The following ZNF750 variants were observed in gnomAD, a reference collection of about 807,000 sequenced individuals.
ZNF750 encodes the protein zinc finger protein 750.
Under a neutral mutation model 31.6 loss-of-function variants are expected in ZNF750, and 10 were observed. That is an observed-to-expected ratio of 0.32 (90% CI 0.19 to 0.54). The LOEUF is 0.54. ZNF750 is among the 20% of genes least tolerant of loss of function. ZNF750 has a pLI of 0.95. For missense variants in ZNF750, 914 were observed against 934.9 expected, an observed-to-expected ratio of 0.98 and a Z score of 0.29; for synonymous variants, 400 against 404.9, an observed-to-expected ratio of 0.99 and a Z score of 0.15.
At chr17:82,836,152 T>G (rs1307199983) in intron 1 of ZNF750, among the ~76,000 whole-genome samples, 1 of 152,264 alleles carries the variant, frequency 6.6e-6, no homozygotes, top group Non-Finnish European at 1.5e-5. Flanking sequence ...GGGGCAGACC[T>G]GCTCTGGGTG....
At position 82,829,464 on chromosome 17, in the gene ZNF750, C is replaced by T. The variant is rs967338492; in HGVS notation, c.*678G>A. ...GATAACATAGATTTATGTTTATTTG[C>T]ATTTTATGTTTCCTTATGGTTCATA... is the stretch of plus-strand genomic sequence containing the variant. On this transcript the variant is annotated 3_prime_UTR_variant, in exon 3 of 3. Transcript: ENST00000269394. 6.5e-6 allele frequency: 1 copy of T among 153,342 alleles called. No homozygotes were observed. Among genetic ancestry groups the T allele is most frequent in the African/African-American group, 2.4e-5 (1 of 41,456 alleles). The allele number at this position is 153,342 out of a possible 1,614,324, so 9.5% of individuals were successfully genotyped here. A position where few individuals can be genotyped will look rare whatever the true frequency, so the allele number is the denominator to read the frequency against.
rs756567361 is a variant in ZNF750 at position 82,831,229 on chromosome 17, G to A, written c.1226C>T (p.Thr409Met). The A allele has an allele frequency of 8.7e-6, 14 of 1,614,026 alleles. No individual in the cohort carries two copies. Among genetic ancestry groups the A allele is most frequent in the Middle Eastern group, 1.6e-4 (1 of 6,062 alleles). ...KMSPRAGSAATGSPGRPSPTD... is the reference protein window; with the variant it reads ...KMSPRAGSAAMGSPGRPSPTD... ...GGGGCTCGGCCTCCCTGGGGAGCCC[G>A]TGGCTGCACTCCCTGCGCGGGGGCT... is the stretch of plus-strand genomic sequence containing the variant. The change falls in exon 2 of 3, where the codon ACG becomes ATG. Residue 409 changes from threonine to methionine, a missense_variant. Thr to Met is a moderately conservative substitution (Grantham distance 81, BLOSUM62 -1). Transcript: ENST00000269394. This position sits in a 1 kb window ranked among gnomAD's most constrained non-coding sequence, Gnocchi z 4.6.
intron 1 of ZNF750, among the ~76,000 whole-genome samples, chr17:82,837,565 C>G (rs750461348): frequency 6.6e-6 from 1 of 152,126 alleles, no homozygotes; most frequent in Admixed American, 6.5e-5. Context: ...GTTAATAAAG[C>G]AGAGTCTCAT....
chr17:82,832,640 T>A lies in ZNF750; in HGVS notation c.-182-4A>T. 1.6e-6 allele frequency: 1 copy of A among 641,220 alleles called. No individual in the cohort carries two copies. The highest frequency in any genetic ancestry group is 2.7e-6 in the Non-Finnish European group (1 of 364,670). The allele number at this position is 641,220 out of a possible 1,614,324, so 39.7% of individuals were successfully genotyped here. On this transcript the variant is annotated splice_polypyrimidine_tract_variant and splice_region_variant and intron_variant, in intron 1 of 2. Coordinates refer to ENST00000269394, the MANE Select transcript of ZNF750 (RefSeq NM_024702.3). This position sits in a 1 kb window ranked among gnomAD's most constrained non-coding sequence, Gnocchi z 4.9. ...TCCGTCATCTGGCGGCTGGGAGCTG[T>A]AATAAAGAGCAGTCTTGGTGTCAGG...
In ZNF750 at chr17:82,832,631, T is replaced by C. The variant is rs2053618665; in HGVS notation, c.-177A>G. ...GCGAGAGCCTCCGTCATCTGGCGGC[T>C]GGGAGCTGTAATAAAGAGCAGTCTT... On this transcript the variant is annotated 5_prime_UTR_variant, in exon 2 of 3. Coordinates refer to ENST00000269394, the MANE Select transcript of ZNF750 (RefSeq NM_024702.3). This position sits in a 1 kb window ranked among gnomAD's most constrained non-coding sequence, Gnocchi z 4.9. The C allele has an allele frequency of 4.6e-6, 3 of 656,852 alleles. No individual in the cohort carries two copies. The highest frequency in any genetic ancestry group is 8.0e-6 in the Non-Finnish European group (3 of 375,204). The allele number at this position is 656,852 out of a possible 1,614,324, so 40.7% of individuals were successfully genotyped here. A position where few individuals can be genotyped will look rare whatever the true frequency, so the allele number is the denominator to read the frequency against.
intron 1 of ZNF750, among the ~76,000 whole-genome samples, chr17:82,836,189 C>T (rs991385424): frequency 7.9e-5 from 12 of 152,258 alleles, no homozygotes; most frequent in African/African-American, 2.7e-4. Context: ...TGCCTCCCTT[C>T]AGGAAGTAGA....
intron 1 of ZNF750, among the ~76,000 whole-genome samples, chr17:82,837,520 G>A (rs2145383193): frequency 6.6e-6 from 1 of 152,296 alleles, no homozygotes; most frequent in South Asian, 2.1e-4. Flanking sequence ...TTCCATTTTA[G>A]TTAATAACAT....
At position 82,830,605 on chromosome 17, in the gene ZNF750, C is replaced by T; in HGVS notation, c.1709G>A (p.Gly570Asp). 6.2e-7 allele frequency: 1 copy of T among 1,614,000 alleles called. No homozygotes were observed. Residue 570 changes from glycine (G) to aspartate (D), a missense_variant, in exon 3 of 3, where the codon GGT becomes GAT. Physicochemically the swap from Gly to Asp is moderately conservative, Grantham distance 94. Transcript: ENST00000269394. ...NTQAPRPAFP[G>D]RPRAAEPAAA... Reference sequence around the variant, plus strand: ...AGCAGGTTCTGCAGCTCGTGGTCGACCGGGGAAGGCAGGCCTCGGAGCCTG... The same window carrying T: ...AGCAGGTTCTGCAGCTCGTGGTCGATCGGGGAAGGCAGGCCTCGGAGCCTG...
In ZNF750 at chr17:82,830,598, T is replaced by C; in HGVS notation, c.1716A>G (p.Pro572=). 1 of 1,614,054 alleles carries C rather than the reference T, an allele frequency of 6.2e-7. No homozygotes were observed. Residue 572 remains proline (P), a synonymous_variant, in exon 3 of 3, where the codon CCA becomes CCG. Coordinates refer to ENST00000269394, the MANE Select transcript of ZNF750 (RefSeq NM_024702.3). ...QAPRPAFPGR[P]RAAEPAAAVP... ...CAGCAGCAGCAGGTTCTGCAGCTCG[T>C]GGTCGACCGGGGAAGGCAGGCCTCG...
At position 82,833,970 on chromosome 17, in the gene ZNF750, G is replaced by A. The variant is rs1331983120; in HGVS notation, c.-182-1334C>T. ...GCTGTTTTTCTTTTTTTGAGACAGA[G>A]TTTCTCCCTTGTTGCCCAGTCTGGA... On this transcript the variant is annotated intron_variant, in intron 1 of 2. Transcript: ENST00000269394. This position sits in a 1 kb window ranked among gnomAD's most constrained non-coding sequence, Gnocchi z 4.7. 6.6e-6 allele frequency among the ~76,000 whole-genome samples: 1 copy of A among 151,454 alleles called. No homozygotes were observed. Among genetic ancestry groups the A allele is most frequent in the African/African-American group, 2.4e-5 (1 of 41,248 alleles).
intron 1 of ZNF750, among the ~76,000 whole-genome samples, chr17:82,834,366 A>T (rs2053782878): frequency 6.6e-6 from 1 of 152,240 alleles, no homozygotes; most frequent in African/African-American, 2.4e-5. Context: ...GGTGCAATGG[A>T]TCAAGGCTAA....
In ZNF750 at chr17:82,835,640, G is replaced by C. The variant is rs1028507977; in HGVS notation, c.-182-3004C>G. Reference sequence around the variant, plus strand: ...GGGTTTCACTATGTTGGCCCGGCTGGTCTTGAACTCCTGACCTCAGGCGAT... The same window carrying C: ...GGGTTTCACTATGTTGGCCCGGCTGCTCTTGAACTCCTGACCTCAGGCGAT... On this transcript the variant is annotated intron_variant, in intron 1 of 2. Coordinates refer to ENST00000269394, the MANE Select transcript of ZNF750 (RefSeq NM_024702.3). The surrounding 1 kb of genome is among the most constrained non-coding windows in gnomAD (Gnocchi z 4.5). Among the ~76,000 whole-genome samples, 1 of 151,982 alleles carries C rather than the reference G, an allele frequency of 6.6e-6. No homozygotes were observed. Among genetic ancestry groups the C allele is most frequent in the African/African-American group, 2.4e-5 (1 of 41,368 alleles).
chr17:82,830,217 C>T lies in ZNF750; in HGVS notation c.2097G>A (p.Gln699=), dbSNP rs2053354423. Residue 699 remains glutamine (Q), a synonymous_variant, in exon 3 of 3, where the codon CAG becomes CAA. Coordinates refer to ENST00000269394, the MANE Select transcript of ZNF750 (RefSeq NM_024702.3). ...GCAGCTTCGCCTTCTTAGCTCCTTG[C>T]TGGGATTTTCCAGCATCCCTTAGAC... The part of the protein sequence containing the change: ...RTSLRDAGKS[Q]QGAKKAKLQD... The T allele has an allele frequency of 6.2e-7, 1 of 1,614,264 alleles. No individual in the cohort carries two copies. The highest frequency in any genetic ancestry group is 8.5e-7 in the Non-Finnish European group (1 of 1,180,054).
At chr17:82,838,666 C>T (rs1002103012) in intron 1 of ZNF750, 1 of 985,356 alleles carries the variant, frequency 1.0e-6, no homozygotes, top group Non-Finnish European at 1.2e-6. Context: ...TTGACTGCCA[C>T]TCCCTCCCAG....
Position 82,831,541 on chromosome 17 carries a change from T to C in ZNF750, c.914A>G (p.Tyr305Cys). 2.5e-6 allele frequency: 4 copies of C among 1,613,992 alleles called. No individual in the cohort carries two copies. The highest frequency in any genetic ancestry group is 2.5e-6 in the Non-Finnish European group (3 of 1,179,978). ...AGAGGGATATTGCTGGAAAAACCTG[T>C]AGTGATCGTATGTGGCTGGAGATGG... Reference protein sequence around the residue: ...LAPSPATYDHYRFFQQYPSNL... With the variant: ...LAPSPATYDHCRFFQQYPSNL... The change falls in exon 2 of 3, where the codon TAC becomes TGC. Residue 305 changes from tyrosine to cysteine, a missense_variant. Tyr to Cys is a radical substitution (Grantham distance 194). Around this residue, in one of 2 missense-constraint regions of ZNF750, gnomAD observed 880 missense variants for 868.9 expected, o/e 1.01. Transcript: ENST00000269394. The surrounding 1 kb of genome is among the most constrained non-coding windows in gnomAD (Gnocchi z 4.6).
In ZNF750 at chr17:82,838,389, G is replaced by A. The variant is rs538750398; in HGVS notation, c.-183+1538C>T. On this transcript the variant is annotated intron_variant, in intron 1 of 2. Transcript: ENST00000269394. Reference sequence around the variant, plus strand: ...GGAAGTAATTACAGTTTAACTTTATGGGACGTTTCTGTGACAGGCTGGGTA... The same window carrying A: ...GGAAGTAATTACAGTTTAACTTTATAGGACGTTTCTGTGACAGGCTGGGTA... Among the ~76,000 whole-genome samples, 150 of 152,174 alleles carry A rather than the reference G, an allele frequency of 9.9e-4. 5 individuals carry two copies. In the South Asian group the frequency reaches 0.03, roughly 30 times the overall value.
rs1003362496 is a variant in ZNF750, at chr17:82,830,019, T to C, written c.*123A>G. The C allele has an allele frequency of 1.1e-5, 16 of 1,443,376 alleles. No individual in the cohort carries two copies. The Admixed American group carries it at 1.6e-4, about 14-fold the overall frequency. 89.4% of individuals were successfully genotyped at this position (1,443,376 alleles called of 1,614,324 possible). A position where few individuals can be genotyped will look rare whatever the true frequency, so the allele number is the denominator to read the frequency against. Reference sequence around the variant, plus strand: ...TTTTTGTTTGTTTGTTTGTTTGTTTTTTTGAGAAGCAGCAGCTGCATTTGT... The same window carrying C: ...TTTTTGTTTGTTTGTTTGTTTGTTTCTTTGAGAAGCAGCAGCTGCATTTGT... On this transcript the variant is annotated 3_prime_UTR_variant, in exon 3 of 3. Coordinates refer to ENST00000269394, the MANE Select transcript of ZNF750 (RefSeq NM_024702.3).
rs866327461 is a variant in ZNF750, at chr17:82,830,499, G to A, written c.1815C>T (p.Asp605=). The change falls in exon 3 of 3, where the codon GAC becomes GAT. Residue 605 remains aspartate (D), a synonymous_variant. Coordinates refer to ENST00000269394, the MANE Select transcript of ZNF750 (RefSeq NM_024702.3). ...GGCCTGTGGGTGGGGCCCCGTCACCGTCGAGGCTGCCTGGCTTGGTCTCAG... is the reference window on the plus strand; with the variant it reads ...GGCCTGTGGGTGGGGCCCCGTCACCATCGAGGCTGCCTGGCTTGGTCTCAG... ...SHPETKPGSL[D]GDGAPPTGPG... 12 of 1,613,266 alleles carry A rather than the reference G, an allele frequency of 7.4e-6. No individual in the cohort carries two copies. Among genetic ancestry groups the A allele is most frequent in the East Asian group, 4.5e-5 (2 of 44,896 alleles).
Position 82,831,612 on chromosome 17 carries a change from C to G in ZNF750, c.843G>C (p.Pro281=). ...GCCCCGGGTGAGGCAGGAAGTGTCT[C>G]GGGTCTTGGGTTCCGTAGACTGACA... ...PLLSVYGTQD[P]RHFLPHPGPI... The change falls in exon 2 of 3, where the codon CCG becomes CCC. Residue 281 remains proline, a synonymous_variant. Transcript: ENST00000269394. This position sits in a 1 kb window ranked among gnomAD's most constrained non-coding sequence, Gnocchi z 4.6. The G allele has an allele frequency of 6.2e-7, 1 of 1,614,108 alleles. No homozygotes were observed. The highest frequency in any genetic ancestry group is 8.5e-7 in the Non-Finnish European group (1 of 1,180,020).
Sources: gnomAD v4.1 joint callset for allele counts (sites outside exome capture counted in the v4.1 genomes callset) on GRCh38, gnomAD v4.1.1 for gene constraint, gnomAD v4.1.1 regional missense constraint, Gnocchi (gnomAD v3.1) non-coding constraint, MANE v1.5 for transcripts, NCBI Gene and HGNC (gene_info 2026-07-23, HGNC 2026-07-21) for gene names.